The following FAT4 variants were observed in gnomAD, a reference collection of about 807,000 sequenced individuals.
FAT4 encodes protocadherin Fat 4.
A neutral mutation model predicts 303.9 loss-of-function variants in FAT4; 84 were observed. The ratio of observed to expected loss-of-function variants is 0.28; its 90% confidence interval spans 0.23 to 0.33. The LOEUF is 0.33. Ranked by LOEUF, FAT4 falls within the 10% of genes least tolerant of loss-of-function variation. The probability of loss-of-function intolerance (pLI) is 1.00; values close to 1 mark genes in which losing one functional copy is unlikely to be tolerated. For missense variants in FAT4, 6,005 were observed against 6,146.8 expected (o/e 0.98, Z 0.77); for synonymous variants, 2,307 against 2,298.8 (o/e 1.00, Z -0.10).
At chr4:125,392,269 T>C (rs1397650231) in intron 2 of FAT4, among the ~76,000 whole-genome samples, 1 of 152,168 alleles carries the variant, frequency 6.6e-6, no homozygotes, top group Non-Finnish European at 1.5e-5. Flanking sequence ...TGTCATAATT[T>C]ATGTGGTTTA....
chr4:125,490,385 T>C lies in FAT4; in HGVS notation c.13569T>C (p.Leu4523=). 1 of 1,614,082 alleles carries C rather than the reference T, an allele frequency of 6.2e-7. No homozygotes were observed. Among genetic ancestry groups the C allele is most frequent in the Non-Finnish European group, 8.5e-7 (1 of 1,180,024 alleles). ...SCATVLALLV[L]SLILCNQCRG... ...CAACCGTCTTGGCCCTCCTGGTCCT[T>C]AGCCTGATCCTGTGTAACCAGTGCA... Residue 4523 remains leucine, a synonymous_variant, in exon 18 of 18, where the codon CTT becomes CTC. Transcript: ENST00000394329.
rs764441932 is a variant in FAT4 at position 125,406,870 on chromosome 4, C to CT, written c.5308-3dup. On this transcript the variant is annotated splice_polypyrimidine_tract_variant and intron_variant, in intron 3 of 17. Coordinates refer to ENST00000394329, the MANE Select transcript of FAT4 (RefSeq NM_001291303.3). ...TTCCAATAGCTCAGATGCTTGGTCTCTTTTTTTAGGGTGCAAATGCTCTCG... is the reference window on the plus strand; with the variant it reads ...TTCCAATAGCTCAGATGCTTGGTCTCTTTTTTTTAGGGTGCAAATGCTCTCG... The CT allele has an allele frequency of 1.2e-6, 2 of 1,611,772 alleles. No individual in the cohort carries two copies. The highest frequency in any genetic ancestry group is 4.5e-5 in the East Asian group (2 of 44,820).
chr4:125,393,415 G>A (rs1173874375), intron 2 of FAT4, among the ~76,000 whole-genome samples: 3 of 151,990 alleles, frequency 2.0e-5, no homozygotes, highest in South Asian at 2.1e-4. Context: ...AATTTAAATT[G>A]GGGAAATAGC....
intron 2 of FAT4, among the ~76,000 whole-genome samples, chr4:125,347,031 A>G (rs1236167445): frequency 5.3e-5 from 8 of 151,928 alleles, no homozygotes; most frequent in African/African-American, 1.9e-4. Context: ...GGGAGCATTT[A>G]CACTTCTTGA....
Position 125,415,231 on chromosome 4 carries a change from C to T in FAT4, c.6268C>T (p.Leu2090=). Residue 2090 remains leucine (L), a synonymous_variant, in exon 6 of 18, where the codon CTG becomes TTG. Transcript: ENST00000394329. ...AAACAGCTATATTGAGTACACTCTGCTGAACCCTTTGGGAAACAAGTTCAG... is the reference window on the plus strand; with the variant it reads ...AAACAGCTATATTGAGTACACTCTGTTGAACCCTTTGGGAAACAAGTTCAG... The part of the protein sequence containing the change: ...GPNSYIEYTL[L]NPLGNKFSIG... 1 of 1,614,072 alleles carries T rather than the reference C, an allele frequency of 6.2e-7. No individual in the cohort carries two copies. The highest frequency in any genetic ancestry group is 8.5e-7 in the Non-Finnish European group (1 of 1,179,968).
In FAT4 at chr4:125,490,638, C is replaced by G. The variant is rs868763218; in HGVS notation, c.13822C>G (p.Pro4608Ala). 6.2e-7 allele frequency: 1 copy of G among 1,613,970 alleles called. No homozygotes were observed. The highest frequency in any genetic ancestry group is 8.5e-7 in the Non-Finnish European group (1 of 1,180,036). Residue 4608 changes from proline to alanine, a missense_variant, in exon 18 of 18, where the codon CCC becomes GCC. Physicochemically the swap from Pro to Ala is conservative, Grantham distance 27. Transcript: ENST00000394329. Reference protein sequence around the residue: ...TDIPHNSETIPSAPLASPEQE... With the variant: ...TDIPHNSETIASAPLASPEQE... ...TATTCCTCACAACTCAGAAACCATCCCCAGCGCCCCTTTGGCATCTCCAGA... is the reference window on the plus strand; with the variant it reads ...TATTCCTCACAACTCAGAAACCATCGCCAGCGCCCCTTTGGCATCTCCAGA...
intron 2 of FAT4, among the ~76,000 whole-genome samples, chr4:125,339,387 G>A (rs1258393677): frequency 5.9e-5 from 9 of 151,842 alleles, no homozygotes; most frequent in South Asian, 4.2e-4. Context: ...TAGTAGAGAC[G>A]GGGTTTCACC....
rs187698748 is a variant in FAT4 at position 125,463,147 on chromosome 4, G to A, written c.11801-416G>A. Among the ~76,000 whole-genome samples, 24 of 151,904 alleles carry A rather than the reference G, an allele frequency of 1.6e-4. 1 individual carries two copies. Among genetic ancestry groups the A allele is most frequent in the Admixed American group, 1.1e-3 (17 of 15,210 alleles). On this transcript the variant is annotated intron_variant, in intron 10 of 17. Coordinates refer to ENST00000394329, the MANE Select transcript of FAT4 (RefSeq NM_001291303.3). Reference sequence around the variant, plus strand: ...GAGTGTAGTTTGATAAATAAGATAAGTTATTATCTTTGAAATACCTAAGTC... The same window carrying A: ...GAGTGTAGTTTGATAAATAAGATAAATTATTATCTTTGAAATACCTAAGTC...
intron 10 of FAT4, among the ~76,000 whole-genome samples, chr4:125,460,012 A>G (rs1726428361): frequency 6.6e-6 from 1 of 152,058 alleles, no homozygotes; most frequent in African/African-American, 2.4e-5. Flanking sequence ...TCTAAGTAAA[A>G]TTATGGAATC....
At chr4:125,432,015 A>G (rs1031332297) in intron 7 of FAT4, among the ~76,000 whole-genome samples, 5 of 152,204 alleles carry the variant, frequency 3.3e-5, no homozygotes, top group South Asian at 2.1e-4. Flanking sequence ...GCCTTAATAT[A>G]TTGCTTGTGA....
chr4:125,481,860 G>A, intron 16 of FAT4, 122 bp downstream of exon 16: 1 of 775,398 alleles, frequency 1.3e-6, no homozygotes, highest in Admixed American at 2.4e-5. Context: ...GACTAATGCT[G>A]GGCACTATTC....
chr4:125,391,374 T>C (rs2126006955), intron 2 of FAT4, among the ~76,000 whole-genome samples: 1 of 152,178 alleles, frequency 6.6e-6, no homozygotes, highest in African/African-American at 2.4e-5. Flanking sequence ...TTCAGGGAAA[T>C]GGATGAAGCT....
In FAT4 at chr4:125,317,966, G is replaced by A. The variant is rs759014856; in HGVS notation, c.1555G>A (p.Gly519Arg). The change falls in exon 2 of 18, where the codon GGA (glycine) becomes AGA (arginine). Residue 519 changes from glycine (G) to arginine (R), a missense_variant. Transcript: ENST00000394329. This position sits in a 1 kb window ranked among gnomAD's most constrained non-coding sequence, Gnocchi z 7.0. The part of the protein sequence containing the change: ...NLRYSIVSGN[G>R]LGWFHISEHS... ...GCGTTACAGCATTGTCTCTGGCAAT[G>A]GACTGGGATGGTTCCATATCAGTGA... The A allele has an allele frequency of 6.2e-7, 1 of 1,614,186 alleles. No homozygotes were observed. The highest frequency in any genetic ancestry group is 8.5e-7 in the Non-Finnish European group (1 of 1,180,040).
chr4:125,345,526 T>C (rs984812398), intron 2 of FAT4, among the ~76,000 whole-genome samples: 2 of 152,076 alleles, frequency 1.3e-5, no homozygotes, highest in Non-Finnish European at 2.9e-5. Context: ...TTTGTTGATG[T>C]TGTTATTACT....
At chr4:125,331,999 G>A (rs1731404184) in intron 2 of FAT4, among the ~76,000 whole-genome samples, 1 of 152,100 alleles carries the variant, frequency 6.6e-6, no homozygotes, top group African/African-American at 2.4e-5. Flanking sequence ...AAATGGTAAG[G>A]ATAGCCTACT....
intron 14 of FAT4, among the ~76,000 whole-genome samples, chr4:125,479,179 T>C (rs191986019): frequency 6.6e-6 from 1 of 152,312 alleles, no homozygotes; most frequent in East Asian, 1.9e-4. Context: ...CACTGCCTAA[T>C]CTAAAGATTC....
At position 125,452,203 on chromosome 4, in the gene FAT4, C is replaced by G; in HGVS notation, c.11193C>G (p.His3731Gln). The G allele has an allele frequency of 6.2e-7, 1 of 1,614,228 alleles. No homozygotes were observed. Residue 3731 changes from histidine (H) to glutamine (Q), a missense_variant, in exon 10 of 18, where the codon CAC becomes CAG. His to Gln is a conservative substitution (Grantham distance 24). Coordinates refer to ENST00000394329, the MANE Select transcript of FAT4 (RefSeq NM_001291303.3). ...VPTVKDFLTN[H>Q]YLHFLRIASS... Reference sequence around the variant, plus strand: ...CAGTAAAGGACTTCTTGACCAACCACTATCTTCATTTTTTACGCATTGCCA... The same window carrying G: ...CAGTAAAGGACTTCTTGACCAACCAGTATCTTCATTTTTTACGCATTGCCA...
rs151091524 is a variant in FAT4, at chr4:125,467,551, G to C, written c.11906-961G>C. ...ATTTTTCAAGTTTGAAAAAGAACCAGCACAAACAAATGGGAATGCTGACTT... is the reference window on the plus strand; with the variant it reads ...ATTTTTCAAGTTTGAAAAAGAACCACCACAAACAAATGGGAATGCTGACTT... On this transcript the variant is annotated intron_variant, in intron 11 of 17. Transcript: ENST00000394329. Among the ~76,000 whole-genome samples, 715 of 152,228 alleles carry C rather than the reference G, an allele frequency of 4.7e-3. 4 individuals are homozygous for C. Among genetic ancestry groups the C allele is most frequent in the Non-Finnish European group, 8.2e-3 (559 of 68,002 alleles).
chr4:125,372,356 C>G (rs1205538375), intron 2 of FAT4, among the ~76,000 whole-genome samples: 3 of 142,324 alleles, frequency 2.1e-5, no homozygotes, highest in African/African-American at 8.2e-5. Flanking sequence ...AGAGTGAGAC[C>G]CTGTTTCAAA....
Sources: allele counts gnomAD v4.1 joint callset (sites outside exome capture counted in the v4.1 genomes callset), GRCh38; gene constraint gnomAD v4.1.1; non-coding constraint Gnocchi (gnomAD v3.1); transcripts MANE v1.5; gene names NCBI Gene and HGNC (gene_info 2026-07-23, HGNC 2026-07-21).